Variants in NAV2 observed in about 807,000 individuals in gnomAD.
NAV2 encodes the protein neuron navigator 2, also known as helicase, APC down-regulated 1.
A neutral mutation model predicts 223.2 loss-of-function variants in NAV2; 54 were observed. The observed-to-expected ratio is 0.24, with a 90% CI of 0.19 to 0.30. NAV2 has a LOEUF of 0.30. NAV2 is among the 10% of genes least tolerant of loss of function. NAV2 has a pLI of 1.00. For missense variants in NAV2, 2,806 were observed against 3,147.5 expected, an observed-to-expected ratio of 0.89 and a Z score of 2.60; for synonymous variants, 1,279 against 1,239.3, an observed-to-expected ratio of 1.03 and a Z score of -0.67.
rs140877547 is a variant in NAV2 at position 19,478,086 on chromosome 11, A to G, written c.75+127059A>G. ...CTCAAAGAGCCCTTATACGGGTAAT[A>G]AGCTATATATGTTAAAAAAATGTTT... On this transcript the variant is annotated intron_variant, in intron 1 of 37. Transcript: ENST00000360655. 8.7e-3 allele frequency among the ~76,000 whole-genome samples: 1,326 copies of G among 152,326 alleles called. 23 individuals are homozygous for G. Among genetic ancestry groups the G allele is most frequent in the African/African-American group, 0.03 (1,267 of 41,584 alleles).
intron 1 of NAV2, among the ~76,000 whole-genome samples, chr11:19,520,416 G>A (rs753944236): frequency 3.3e-5 from 5 of 152,240 alleles, no homozygotes; most frequent in Non-Finnish European, 7.3e-5. Context: ...AATCCGCCCC[G>A]TGGCCTGTGG....
At chr11:19,993,205 A>G (rs867534456) in intron 11 of NAV2, among the ~76,000 whole-genome samples, 2 of 152,230 alleles carry the variant, frequency 1.3e-5, no homozygotes, top group Non-Finnish European at 2.9e-5. Flanking sequence ...GTTATGCTGC[A>G]TAACAAACAA....
chr11:19,781,806 A>G (rs2056769881), intron 1 of NAV2, among the ~76,000 whole-genome samples: 1 of 152,088 alleles, frequency 6.6e-6, no homozygotes, highest in South Asian at 2.1e-4. Flanking sequence ...ATTGCCAAAT[A>G]AAAATTGTAT....
chr11:19,477,638 G>A (rs1054923648), intron 1 of NAV2, among the ~76,000 whole-genome samples: 1 of 152,214 alleles, frequency 6.6e-6, no homozygotes, highest in African/African-American at 2.4e-5. Context: ...CCCCAGCATA[G>A]AGCCTGACAT....
chr11:19,869,438 A>G (rs1299609069), intron 4 of NAV2, among the ~76,000 whole-genome samples: 1 of 152,204 alleles, frequency 6.6e-6, no homozygotes, highest in Non-Finnish European at 1.5e-5. Context: ...TCTTGCTCTT[A>G]AAAAAGCATG....
intron 10 of NAV2, among the ~76,000 whole-genome samples, chr11:19,978,388 C>T (rs1396169523): frequency 6.6e-6 from 1 of 152,180 alleles, no homozygotes; most frequent in Non-Finnish European, 1.5e-5. Flanking sequence ...CATTGCTCAA[C>T]AACAAGGGCT....
intron 36 of NAV2, among the ~76,000 whole-genome samples, chr11:20,110,915 G>T (rs78364317): frequency 4.6e-5 from 7 of 152,290 alleles, no homozygotes; most frequent in Non-Finnish European, 7.3e-5. Context: ...CAGGGCTACC[G>T]TGCACCAGGA....
At chr11:19,889,033 G>A (rs1383846232) in intron 5 of NAV2, among the ~76,000 whole-genome samples, 1 of 152,210 alleles carries the variant, frequency 6.6e-6, no homozygotes, top group East Asian at 1.9e-4. Context: ...TCAGTTTGTA[G>A]AAAGTCCAGT....
intron 1 of NAV2, among the ~76,000 whole-genome samples, chr11:19,656,798 C>T (rs1423693961): frequency 6.6e-6 from 1 of 152,210 alleles, no homozygotes. Context: ...AGACGGTAGC[C>T]ACAGAGGAAA....
chr11:19,937,178 G>C (rs1332111575), intron 7 of NAV2, among the ~76,000 whole-genome samples: 1 of 152,078 alleles, frequency 6.6e-6, no homozygotes, highest in Non-Finnish European at 1.5e-5. Context: ...TAACTAGTGA[G>C]ACCAGGCTCT....
intron 1 of NAV2, among the ~76,000 whole-genome samples, chr11:19,678,835 C>T (rs780095793): frequency 2.0e-5 from 3 of 152,106 alleles, no homozygotes; most frequent in Non-Finnish European, 4.4e-5. Context: ...TGTAAGACAG[C>T]GAGGAGAGGT....
chr11:20,118,063 C>T, intron 37 of NAV2, 70 bp from the exon 38 acceptor site: 1 of 1,585,592 alleles, frequency 6.3e-7, no homozygotes. Context: ...GGTGGCATGA[C>T]CTTTTAGGAG....
intron 1 of NAV2, among the ~76,000 whole-genome samples, chr11:19,614,455 C>T (rs2046735417): frequency 6.6e-6 from 1 of 151,898 alleles, no homozygotes; most frequent in Non-Finnish European, 1.5e-5. Flanking sequence ...TTTAGGTTTA[C>T]AGCAAAATTG....
intron 6 of NAV2, among the ~76,000 whole-genome samples, chr11:19,914,566 C>G (rs371265919): frequency 6.8e-6 from 1 of 147,088 alleles, no homozygotes; most frequent in African/African-American, 2.5e-5. Flanking sequence ...GAGACGGAGT[C>G]TCGCTCTGTC....
Position 19,777,744 on chromosome 11 carries a change from G to C in NAV2, c.268-54740G>C, listed in dbSNP as rs188002437. 1.4e-4 allele frequency: 60 copies of C among 415,200 alleles called. No homozygotes were observed. The East Asian group carries it at 2.9e-3, about 20-fold the overall frequency. 25.7% of individuals were successfully genotyped at this position (415,200 alleles called of 1,614,324 possible). On this transcript the variant is annotated intron_variant, in intron 1 of 37. Transcript: ENST00000349880. The stretch of plus-strand genomic sequence containing the variant: ...TGTCTCTGGTTGTGAGTCATTGAAG[G>C]GGGGTGGGACTGGGCTGCATTATCT...
intron 1 of NAV2, among the ~76,000 whole-genome samples, chr11:19,789,865 A>G (rs1411118387): frequency 6.6e-6 from 1 of 152,202 alleles, no homozygotes; most frequent in East Asian, 1.9e-4. Flanking sequence ...GATTTTTTAC[A>G]TTCTCAGACT....
chr11:19,950,495 A>G (rs1298598811), intron 10 of NAV2, among the ~76,000 whole-genome samples: 1 of 152,254 alleles, frequency 6.6e-6, no homozygotes, highest in Non-Finnish European at 1.5e-5. Flanking sequence ...GTATTGAAAT[A>G]CTACAACTAC....
chr11:19,958,700 C>T (rs1212286086), intron 10 of NAV2, among the ~76,000 whole-genome samples: 4 of 152,220 alleles, frequency 2.6e-5, no homozygotes, highest in African/African-American at 9.7e-5. Flanking sequence ...CCATATTGTC[C>T]ACCACTGTCA....
At chr11:19,959,855 G>C (rs2048201974) in intron 10 of NAV2, among the ~76,000 whole-genome samples, 1 of 152,130 alleles carries the variant, frequency 6.6e-6, no homozygotes. Context: ...TGCTTAGCAA[G>C]GTGCTCCTTC....
Sources: gnomAD v4.1 joint callset for allele counts (sites outside exome capture counted in the v4.1 genomes callset) on GRCh38, gnomAD v4.1.1 for gene constraint, MANE v1.5 for transcripts, NCBI Gene and HGNC (gene_info 2026-07-23, HGNC 2026-07-21) for gene names.